The following ADH5 variants were observed in gnomAD, a reference collection of about 807,000 sequenced individuals.
ADH5 encodes alcohol dehydrogenase 5 (class III), chi polypeptide.
Under a neutral mutation model 40.3 loss-of-function variants are expected in ADH5, and 32 were observed. The ratio of observed to expected loss-of-function variants is 0.79; its 90% confidence interval spans 0.60 to 1.07. The LOEUF is 1.07. Among genes scored for constraint, ADH5 ranks in the 50% least tolerant of loss-of-function variants. The pLI is 0.00. For missense variants in ADH5, 353 were observed against 460.5 expected (o/e 0.77, Z 2.14); for synonymous variants, 125 against 154.3 (o/e 0.81, Z 1.41).
intron 4 of ADH5, among the ~76,000 whole-genome samples, chr4:99,077,262 C>T (rs775417502): frequency 1.3e-5 from 2 of 152,146 alleles, no homozygotes; most frequent in African/African-American, 2.4e-5. Flanking sequence ...GTGGCTCACT[C>T]CTATAATCCC....
rs747238832 is a variant in ADH5 at position 99,088,738 on chromosome 4, G to A, written c.-38C>T. 6 of 1,601,090 alleles carry A rather than the reference G, an allele frequency of 3.7e-6. No homozygotes were observed. The highest frequency in any genetic ancestry group is 1.7e-5 in the Admixed American group (1 of 58,858). On this transcript the variant is annotated 5_prime_UTR_variant, in exon 1 of 9. Coordinates refer to ENST00000296412, the MANE Select transcript of ADH5 (RefSeq NM_000671.4). ...TGGTCGGCGCGGGGGGCTGACATCC[G>A]GGGTGGGCCGCGCAGCGACGGAGGC... is the stretch of plus-strand genomic sequence containing the variant.
intron 4 of ADH5, 24 bp from the exon 5 acceptor site, chr4:99,076,947 G>C: frequency 1.7e-5 from 27 of 1,557,020 alleles, no homozygotes; most frequent in Non-Finnish European, 2.4e-5. Flanking sequence ...AAGGAAAAAG[G>C]CAAGTTGGAA....
chr4:99,083,724 G>A (rs1728073620), intron 2 of ADH5, among the ~76,000 whole-genome samples: 1 of 152,026 alleles, frequency 6.6e-6, no homozygotes, highest in African/African-American at 2.4e-5. Context: ...AAAGTGAGAT[G>A]GTAGGGGAAG....
At position 99,072,566 on chromosome 4, in the gene ADH5, A is replaced by G; in HGVS notation, c.1100+7T>C. On this transcript the variant is annotated splice_region_variant and intron_variant, in intron 8 of 8. Transcript: ENST00000296412. The stretch of plus-strand genomic sequence containing the variant: ...TACATTCTATGATATATAAAGAGAA[A>G]GCCTACCTCTTTCCAGAATGCATCA... 1.9e-6 allele frequency: 3 copies of G among 1,609,760 alleles called. No homozygotes were observed. The highest frequency in any genetic ancestry group is 2.5e-6 in the Non-Finnish European group (3 of 1,178,698).
intron 5 of ADH5, 39 bp from the exon 6 acceptor site, chr4:99,076,591 A>G (rs1727936737): frequency 1.3e-6 from 2 of 1,598,404 alleles, no homozygotes; most frequent in Non-Finnish European, 1.7e-6. Flanking sequence ...TCATTCTACC[A>G]GAGTCAAGAG....
intron 4 of ADH5, among the ~76,000 whole-genome samples, chr4:99,078,891 A>G (rs1727975516): frequency 6.6e-6 from 1 of 152,270 alleles, no homozygotes; most frequent in Non-Finnish European, 1.5e-5. Context: ...ATGTGTTGCA[A>G]AATCTTTCAG....
intron 2 of ADH5, among the ~76,000 whole-genome samples, chr4:99,082,393 C>CTG (rs1461348806): frequency 6.6e-6 from 1 of 152,156 alleles, no homozygotes; most frequent in Non-Finnish European, 1.5e-5. Context: ...CGCGCGTTAG[C>CTG]AAGAGAAGGT....
intron 1 of ADH5, among the ~76,000 whole-genome samples, chr4:99,088,189 G>A (rs1266814770): frequency 6.6e-6 from 1 of 152,144 alleles, no homozygotes; most frequent in East Asian, 1.9e-4. Context: ...GTTTCTGAAA[G>A]GGACGTAGGG....
chr4:99,079,471 G>C (rs1054415056), intron 4 of ADH5, among the ~76,000 whole-genome samples: 12 of 152,160 alleles, frequency 7.9e-5, no homozygotes, highest in African/African-American at 2.7e-4. Flanking sequence ...GAGGGAGGTA[G>C]GTTCTGACTT....
rs1342497059 is a variant in ADH5 at position 99,071,997 on chromosome 4, C to G, written c.*420G>C. ...TGATGGCTAGGATCTGTTCTTTAATCAACGGGGACTGAGACCCTTAAAAGT... is the reference window on the plus strand; with the variant it reads ...TGATGGCTAGGATCTGTTCTTTAATGAACGGGGACTGAGACCCTTAAAAGT... On this transcript the variant is annotated 3_prime_UTR_variant, in exon 9 of 9. Coordinates refer to ENST00000296412, the MANE Select transcript of ADH5 (RefSeq NM_000671.4). The G allele has an allele frequency of 6.0e-6, 1 of 165,420 alleles. No individual in the cohort carries two copies. Among genetic ancestry groups the G allele is most frequent in the African/African-American group, 2.4e-5 (1 of 41,760 alleles). The allele number at this position is 165,420 out of a possible 1,614,324, so 10.2% of individuals were successfully genotyped here.
At position 99,071,393 on chromosome 4, in the gene ADH5, G is replaced by A. The variant is rs768458731; in HGVS notation, c.*1024C>T. The A allele has an allele frequency of 6.6e-6, 1 of 152,192 alleles. No individual in the cohort carries two copies. The highest frequency in any genetic ancestry group is 1.5e-5 in the Non-Finnish European group (1 of 68,040). 9.4% of individuals were successfully genotyped at this position (152,192 alleles called of 1,614,324 possible). On this transcript the variant is annotated 3_prime_UTR_variant, in exon 9 of 9. Coordinates refer to ENST00000296412, the MANE Select transcript of ADH5 (RefSeq NM_000671.4). ...ATGCAGAAGAATGTTCCACTACAGTGTTATAATACAGAAACTGGCAACAAC... is the reference window on the plus strand; with the variant it reads ...ATGCAGAAGAATGTTCCACTACAGTATTATAATACAGAAACTGGCAACAAC...
intron 1 of ADH5, among the ~76,000 whole-genome samples, chr4:99,086,024 G>A (rs1490480202): frequency 4.2e-5 from 5 of 117,906 alleles, no homozygotes; most frequent in Admixed American, 4.2e-4. Context: ...GCAACAGAGC[G>A]AGACATCGTC....
At chr4:99,081,181 C>G (rs143148644) in intron 4 of ADH5, among the ~76,000 whole-genome samples, 184 bp downstream of exon 4, 4 of 151,994 alleles carry the variant, frequency 2.6e-5, no homozygotes, top group Non-Finnish European at 4.4e-5. Context: ...GGTCTCCCCC[C>G]ACCCCACGAA....
chr4:99,073,426 C>A (rs1318417879), intron 7 of ADH5, among the ~76,000 whole-genome samples: 1 of 152,224 alleles, frequency 6.6e-6, no homozygotes, highest in Non-Finnish European at 1.5e-5. Context: ...GATCCACCCG[C>A]CTCAGCCTCC....
intron 1 of ADH5, among the ~76,000 whole-genome samples, chr4:99,086,085 T>C (rs1442009452): frequency 7.3e-5 from 11 of 151,556 alleles, no homozygotes; most frequent in Admixed American, 7.2e-4. Context: ...TAAATATAGC[T>C]GGACTTTGAA....
chr4:99,083,159 A>C (rs1728060278), intron 2 of ADH5, among the ~76,000 whole-genome samples: 1 of 152,226 alleles, frequency 6.6e-6, no homozygotes, highest in South Asian at 2.1e-4. Flanking sequence ...GAGCACAATG[A>C]ATACCCATTG....
intron 4 of ADH5, among the ~76,000 whole-genome samples, chr4:99,077,583 T>C (rs1017284767): frequency 1.3e-5 from 2 of 152,222 alleles, no homozygotes; most frequent in Admixed American, 1.3e-4. Context: ...AAGTAGAGAT[T>C]ACAAACCATT....
rs768458731 is a variant in ADH5 at position 99,071,393 on chromosome 4, G to T, written c.*1024C>A. On this transcript the variant is annotated 3_prime_UTR_variant, in exon 9 of 9. Transcript: ENST00000296412. The stretch of plus-strand genomic sequence containing the variant: ...ATGCAGAAGAATGTTCCACTACAGT[G>T]TTATAATACAGAAACTGGCAACAAC... 3 of 152,192 alleles carry T rather than the reference G, an allele frequency of 2.0e-5. No individual in the cohort carries two copies. The highest frequency in any genetic ancestry group is 4.4e-5 in the Non-Finnish European group (3 of 68,040). The allele number at this position is 152,192 out of a possible 1,614,324, so 9.4% of individuals were successfully genotyped here. A position where few individuals can be genotyped will look rare whatever the true frequency, so the allele number is the denominator to read the frequency against.
Position 99,076,690 on chromosome 4 carries a change from A to T in ADH5, c.564+14T>A. Reference sequence around the variant, plus strand: ...TTAGAAGGCAGAAGCAAAAAACCCAAGTCAGTCTCTTACCTTGGCAGTGTT... The same window carrying T: ...TTAGAAGGCAGAAGCAAAAAACCCATGTCAGTCTCTTACCTTGGCAGTGTT... On this transcript the variant is annotated intron_variant, in intron 5 of 8. Transcript: ENST00000296412. The T allele has an allele frequency of 6.2e-7, 1 of 1,610,176 alleles. No individual in the cohort carries two copies. Among genetic ancestry groups the T allele is most frequent in the Non-Finnish European group, 8.5e-7 (1 of 1,178,550 alleles).
Sources: gnomAD v4.1 joint callset for allele counts (sites outside exome capture counted in the v4.1 genomes callset) on GRCh38, gnomAD v4.1.1 for gene constraint, MANE v1.5 for transcripts, NCBI Gene and HGNC (gene_info 2026-07-23, HGNC 2026-07-21) for gene names.